The following PIWIL2 variants were observed in gnomAD, a reference collection of about 807,000 sequenced individuals.
PIWIL2 encodes the protein piwi like RNA-mediated gene silencing 2, also known as piwi-like protein 2.
Under a neutral mutation model 116.5 loss-of-function variants are expected in PIWIL2, and 81 were observed. The observed-to-expected ratio is 0.70, with a 90% CI of 0.58 to 0.84. PIWIL2 has a LOEUF of 0.84. PIWIL2 is among the 40% of genes least tolerant of loss of function. The probability of loss-of-function intolerance (pLI) is 0.00; values close to 1 mark genes in which losing one functional copy is unlikely to be tolerated. For synonymous variants in PIWIL2, 489 were observed against 429.5 expected, an observed-to-expected ratio of 1.14 and a Z score of -1.71; for missense variants, 1,272 against 1,212.3, an observed-to-expected ratio of 1.05 and a Z score of -0.73.
At chr8:22,353,889 C>T (rs1832431708) in intron 21 of PIWIL2, among the ~76,000 whole-genome samples, 1 of 150,150 alleles carries the variant, frequency 6.7e-6, no homozygotes, top group African/African-American at 2.4e-5. Context: ...GATCCTCCCA[C>T]CTCAGCCTCC....
At chr8:22,278,425 T>TCCTGAGTA (rs1282897782) in intron 1 of PIWIL2, among the ~76,000 whole-genome samples, 3 of 152,054 alleles carry the variant, frequency 2.0e-5, no homozygotes, top group Admixed American at 6.5e-5. Context: ...GAGACTGAGA[T>TCCTGAGTA]GTGAGGGTCA....
At chr8:22,339,406 G>A (rs892783557) in intron 20 of PIWIL2, among the ~76,000 whole-genome samples, 1 of 152,080 alleles carries the variant, frequency 6.6e-6, no homozygotes, top group Non-Finnish European at 1.5e-5. Context: ...TACTCAGGAG[G>A]CTGAGGCAGG....
chr8:22,281,757 G>A (rs1169327020), intron 4 of PIWIL2, among the ~76,000 whole-genome samples: 1 of 149,702 alleles, frequency 6.7e-6, no homozygotes, highest in Admixed American at 6.7e-5. Context: ...AAATTACCCT[G>A]ATCATGGTGA....
At chr8:22,307,841 G>A (rs1046221193) in intron 13 of PIWIL2, 92 bp from the exon 14 acceptor site, 2 of 953,078 alleles carry the variant, frequency 2.1e-6, no homozygotes, top group African/African-American at 1.6e-5. Flanking sequence ...ATTTCAATGG[G>A]AAAGAGAAAC....
Position 22,314,315 on chromosome 8 carries a change from T to A in PIWIL2, c.1990-13T>A. The A allele has an allele frequency of 2.1e-6, 3 of 1,458,880 alleles. No homozygotes were observed. Among genetic ancestry groups the A allele is most frequent in the Non-Finnish European group, 2.8e-6 (3 of 1,075,160 alleles). 90.4% of individuals were successfully genotyped at this position (1,458,880 alleles called of 1,614,324 possible). A position where few individuals can be genotyped will look rare whatever the true frequency, so the allele number is the denominator to read the frequency against. On this transcript the variant is annotated splice_polypyrimidine_tract_variant and intron_variant, in intron 16 of 22. Transcript: ENST00000356766. ...TTCCACAGCCTGACTTGTATATACCTTATCTCCTCAAGGGGAAGATACAGA... is the reference window on the plus strand; with the variant it reads ...TTCCACAGCCTGACTTGTATATACCATATCTCCTCAAGGGGAAGATACAGA...
At chr8:22,334,309 C>G (rs570868278) in intron 20 of PIWIL2, among the ~76,000 whole-genome samples, 1 of 151,424 alleles carries the variant, frequency 6.6e-6, no homozygotes, top group Non-Finnish European at 1.5e-5. Context: ...TGATTATATA[C>G]AAAATTTGGG....
At chr8:22,291,033 A>G (rs930994358) in intron 10 of PIWIL2, among the ~76,000 whole-genome samples, 16 of 151,034 alleles carry the variant, frequency 1.1e-4, no homozygotes, top group African/African-American at 2.4e-4. Flanking sequence ...CAGTGGTGCA[A>G]TCTTGGCTCA....
rs376294198 is a variant in PIWIL2, at chr8:22,279,629, G to A, written c.198+45G>A. On this transcript the variant is annotated intron_variant, in intron 2 of 22. Transcript: ENST00000356766. ...CATAGGAGTGGCATACAGCTTACCT[G>A]TGTGCCGTCAGAGGAAGTAATGGAT... 38 of 1,544,106 alleles carry A rather than the reference G, an allele frequency of 2.5e-5. No homozygotes were observed. The African/African-American group carries it at 3.9e-4, about 16-fold the overall frequency.
At chr8:22,281,321 T>G in intron 3 of PIWIL2, 56 bp from the exon 4 acceptor site, 1 of 1,566,748 alleles carries the variant, frequency 6.4e-7, no homozygotes, top group Non-Finnish European at 8.6e-7. Flanking sequence ...AAAAAAACTA[T>G]ACTTTAAAAC....
chr8:22,285,028 A>C (rs1244259684), intron 6 of PIWIL2, among the ~76,000 whole-genome samples: 1 of 152,194 alleles, frequency 6.6e-6, no homozygotes, highest in East Asian at 1.9e-4. Context: ...ACATTGTAGA[A>C]AGATTAAGTC....
chr8:22,342,594 A>G (rs1173718837), intron 20 of PIWIL2, among the ~76,000 whole-genome samples: 5 of 152,380 alleles, frequency 3.3e-5, no homozygotes, highest in Admixed American at 3.3e-4. Context: ...CTATGCATAG[A>G]CCATACACGT....
Position 22,315,016 on chromosome 8 carries a change from C to G in PIWIL2, c.2092-13C>G. 1 of 1,518,046 alleles carries G rather than the reference C, an allele frequency of 6.6e-7. No individual in the cohort carries two copies. Among genetic ancestry groups the G allele is most frequent in the Non-Finnish European group, 9.1e-7 (1 of 1,093,150 alleles). The allele number at this position is 1,518,046 out of a possible 1,614,324, so 94.0% of individuals were successfully genotyped here. On this transcript the variant is annotated splice_polypyrimidine_tract_variant and intron_variant, in intron 17 of 22. Coordinates refer to ENST00000356766, the MANE Select transcript of PIWIL2 (RefSeq NM_018068.5). ...CCTGCTTCTCCTGACACCTTTTGGT[C>G]CCTTCATTATAGGTTGTCAATGTTC... is the stretch of plus-strand genomic sequence containing the variant.
chr8:22,289,469 C>G (rs928709965), intron 8 of PIWIL2, among the ~76,000 whole-genome samples: 2 of 152,146 alleles, frequency 1.3e-5, no homozygotes, highest in African/African-American at 4.8e-5. Flanking sequence ...CTAATTTCTA[C>G]CTAGTAAGTT....
chr8:22,318,607 C>T (rs150001485), intron 20 of PIWIL2, among the ~76,000 whole-genome samples: 457 of 152,248 alleles, frequency 3.0e-3, no homozygotes, highest in African/African-American at 9.8e-3. Context: ...TGTGAGCCAC[C>T]GCGCCTGGCC....
intron 20 of PIWIL2, among the ~76,000 whole-genome samples, chr8:22,320,203 C>G (rs928051402): frequency 6.6e-6 from 1 of 151,368 alleles, no homozygotes; most frequent in Admixed American, 6.6e-5. Flanking sequence ...CCTCATGATC[C>G]ACGCTTCTCA....
intron 20 of PIWIL2, among the ~76,000 whole-genome samples, chr8:22,349,038 ATTTTTCT>A (rs1285578460): frequency 1.5e-5 from 2 of 133,954 alleles, no homozygotes; most frequent in African/African-American, 5.4e-5. Flanking sequence ...TTTGATTTCT[ATTTTTCT>A]TTTTTCTTTT....
intron 20 of PIWIL2, among the ~76,000 whole-genome samples, chr8:22,344,130 G>C (rs1033605831): frequency 2.6e-5 from 4 of 152,146 alleles, no homozygotes. Context: ...ATCTGAAAAG[G>C]CTTTATATGA....
At chr8:22,353,603 A>G (rs1256623150) in intron 21 of PIWIL2, among the ~76,000 whole-genome samples, 1 of 152,054 alleles carries the variant, frequency 6.6e-6, no homozygotes, top group Admixed American at 6.6e-5. Flanking sequence ...AGTCCACTGT[A>G]ATCCAGCCTG....
At chr8:22,316,731 C>T (rs1037061494) in intron 19 of PIWIL2, among the ~76,000 whole-genome samples, 2 of 152,128 alleles carry the variant, frequency 1.3e-5, no homozygotes, top group Non-Finnish European at 2.9e-5. Flanking sequence ...ATCCGCCCAC[C>T]TCAGCCTCCC....
Sources: gnomAD v4.1 joint callset for allele counts (sites outside exome capture counted in the v4.1 genomes callset) on GRCh38, gnomAD v4.1.1 for gene constraint, MANE v1.5 for transcripts, NCBI Gene and HGNC (gene_info 2026-07-23, HGNC 2026-07-21) for gene names.